SOX5: variants seen among roughly 807,000 people sequenced by gnomAD.
SOX5 encodes SRY-box transcription factor 5, also known as transcription factor SOX-5.
SOX5 carries 9 observed loss-of-function variants against 92.0 expected under a neutral mutation model. The ratio of observed to expected loss-of-function variants is 0.10; its 90% CI spans 0.06 to 0.17. The LOEUF (loss-of-function observed/expected upper bound fraction) is 0.17. SOX5 is among the 10% of genes least tolerant of loss of function. The pLI is 1.00. For synonymous variants in SOX5, 344 were observed against 336.3 expected (o/e 1.02, Z -0.25); for missense variants, 642 against 944.5 (o/e 0.68, Z 4.20).
chr12:24,548,996 T>A (rs1402469442), intron 1 of SOX5, among the ~76,000 whole-genome samples: 1 of 152,166 alleles, frequency 6.6e-6, no homozygotes. Context: ...TCCCTTCCAC[T>A]CTGCTTCAGC....
At chr12:23,962,647 A>AT (rs1947084373) in intron 4 of SOX5, among the ~76,000 whole-genome samples, 1 of 152,114 alleles carries the variant, frequency 6.6e-6, no homozygotes, top group South Asian at 2.1e-4. Flanking sequence ...CTGCCATTCC[A>AT]TTTTTCCATG....
chr12:23,795,080 T>G (rs2095539210), intron 3 of SOX5, among the ~76,000 whole-genome samples: 1 of 152,092 alleles, frequency 6.6e-6, no homozygotes, highest in African/African-American at 2.4e-5. Flanking sequence ...ACCATGAGGA[T>G]TCATGTTGCA....
intron 11 of SOX5, among the ~76,000 whole-genome samples, chr12:23,554,435 T>A (rs2136204698): frequency 6.6e-6 from 1 of 152,248 alleles, no homozygotes. Context: ...ACTGCGTTAC[T>A]TTCTGGAATT....
chr12:24,401,234 C>A (rs898385434), intron 1 of SOX5, among the ~76,000 whole-genome samples: 1 of 151,822 alleles, frequency 6.6e-6, no homozygotes, highest in African/African-American at 2.4e-5. Flanking sequence ...TGCCTGTAGT[C>A]CCAGCTACTC....
chr12:24,282,975 T>C (rs1224174236), intron 2 of SOX5, among the ~76,000 whole-genome samples: 1 of 152,242 alleles, frequency 6.6e-6, no homozygotes, highest in Non-Finnish European at 1.5e-5. Flanking sequence ...TATGTGAGTT[T>C]CTTTGGCCAA....
upstream of SOX5, among the ~76,000 whole-genome samples, chr12:23,952,512 T>C (rs1366527731): frequency 6.6e-6 from 1 of 152,224 alleles, no homozygotes; most frequent in Non-Finnish European, 1.5e-5. Context: ...CATCTGTACA[T>C]ATGCCAAATA....
chr12:23,775,711 A>G (rs372009100), intron 3 of SOX5, among the ~76,000 whole-genome samples: 5 of 152,260 alleles, frequency 3.3e-5, no homozygotes, highest in African/African-American at 1.2e-4. Flanking sequence ...GGCCATCTAC[A>G]TGCTTTGCCA....
intron 1 of SOX5, among the ~76,000 whole-genome samples, chr12:23,934,752 C>T (rs947162949): frequency 2.6e-5 from 4 of 151,144 alleles, no homozygotes; most frequent in African/African-American, 9.7e-5. Flanking sequence ...CCTAAACATG[C>T]TAAGTTATAA....
chr12:24,367,583 CACA>C (rs1016315201), intron 2 of SOX5, among the ~76,000 whole-genome samples: 5 of 152,044 alleles, frequency 3.3e-5, no homozygotes, highest in South Asian at 4.1e-4. Context: ...AAAAAATTGC[CACA>C]ACATTTATCT....
At position 24,472,798 on chromosome 12, in the gene SOX5, T is replaced by G. The variant is rs183541761; in HGVS notation, c.-251+89531A>C. ...TTAACAAATAATATGCTAACTAATATGCTATACATATACTGTATGTTATCT... is the reference window on the plus strand; with the variant it reads ...TTAACAAATAATATGCTAACTAATAGGCTATACATATACTGTATGTTATCT... On this transcript the variant is annotated intron_variant, in intron 1 of 4. Coordinates refer to the SOX5 transcript ENST00000446891. Among the ~76,000 whole-genome samples, 25 of 152,166 alleles carry G rather than the reference T, an allele frequency of 1.6e-4. No individual in the cohort carries two copies. The East Asian group carries it at 4.8e-3, about 29-fold the overall frequency.
At chr12:23,595,086 G>A (rs1352280914) in intron 9 of SOX5, among the ~76,000 whole-genome samples, 3 of 152,154 alleles carry the variant, frequency 2.0e-5, no homozygotes, top group Non-Finnish European at 4.4e-5. Flanking sequence ...GAAATTGTAA[G>A]AGTACTACTG....
intron 4 of SOX5, among the ~76,000 whole-genome samples, chr12:24,203,778 A>T (rs1957758029): frequency 6.6e-6 from 1 of 152,202 alleles, no homozygotes; most frequent in Non-Finnish European, 1.5e-5. Context: ...AAAAAATTTT[A>T]GAGTATAAAC....
At chr12:24,318,412 G>T (rs2140880749) in intron 2 of SOX5, among the ~76,000 whole-genome samples, 1 of 152,180 alleles carries the variant, frequency 6.6e-6, no homozygotes, top group East Asian at 1.9e-4. Context: ...ATTTGCTCAT[G>T]AGGTAGGCTG....
chr12:23,717,499 A>G (rs1048848750), intron 6 of SOX5, among the ~76,000 whole-genome samples: 1 of 152,218 alleles, frequency 6.6e-6, no homozygotes, highest in East Asian at 1.9e-4. Context: ...TAGTGAGCAG[A>G]AAACAGGCCT....
At chr12:24,243,045 T>C (rs562017869) in intron 3 of SOX5, among the ~76,000 whole-genome samples, 1 of 152,176 alleles carries the variant, frequency 6.6e-6, no homozygotes, top group Non-Finnish European at 1.5e-5. Context: ...TTAAACAAAC[T>C]GTTAAAGTGT....
chr12:24,536,752 G>T (rs974284125), intron 1 of SOX5, among the ~76,000 whole-genome samples: 4 of 152,124 alleles, frequency 2.6e-5, no homozygotes, highest in Non-Finnish European at 5.9e-5. Flanking sequence ...TGTAATCTGT[G>T]ATTCTCCCAT....
At position 23,937,980 on chromosome 12, in the gene SOX5, T is replaced by C. The variant is rs12309003; in HGVS notation, c.38+11584A>G. 9.3e-3 allele frequency among the ~76,000 whole-genome samples: 1,408 copies of C among 150,852 alleles called. 19 individuals are homozygous for C. The highest frequency in any genetic ancestry group is 0.031 in the African/African-American group (1,288 of 41,362). ...TGTATAAAATGTGCGCTTTTTTTTTTCCCCAACTGTGTTCTTTGTATTCAT... is the reference window on the plus strand; with the variant it reads ...TGTATAAAATGTGCGCTTTTTTTTTCCCCCAACTGTGTTCTTTGTATTCAT... On this transcript the variant is annotated intron_variant, in intron 1 of 14. Coordinates refer to ENST00000451604, the MANE Select transcript of SOX5 (RefSeq NM_006940.6).
intron 4 of SOX5, among the ~76,000 whole-genome samples, chr12:24,016,024 G>A (rs1353987288): frequency 2.0e-5 from 3 of 152,106 alleles, no homozygotes; most frequent in Non-Finnish European, 4.4e-5. Context: ...AAAGAACAGA[G>A]CATGAGGAAG....
chr12:23,716,220 G>C (rs1025569953), intron 6 of SOX5, among the ~76,000 whole-genome samples: 1 of 152,106 alleles, frequency 6.6e-6, no homozygotes, highest in African/African-American at 2.4e-5. Context: ...ATTTGACTAA[G>C]GTCAAAATTA....
Sources: gnomAD v4.1 joint callset for allele counts (sites outside exome capture counted in the v4.1 genomes callset) on GRCh38, gnomAD v4.1.1 for gene constraint, MANE v1.5 for transcripts, NCBI Gene and HGNC (gene_info 2026-07-23, HGNC 2026-07-21) for gene names.